The following SUGCT variants were observed in gnomAD, a reference collection of about 807,000 sequenced individuals.
SUGCT encodes succinyl-CoA:glutarate CoA-transferase.
In SUGCT, 41 loss-of-function variants were observed where a neutral mutation model predicts 55.0. That is an observed-to-expected ratio of 0.74 (90% CI 0.58 to 0.97). The LOEUF is 0.97. SUGCT is among the 50% of genes least tolerant of loss of function. SUGCT has a pLI of 0.00. For synonymous variants in SUGCT, 187 were observed against 200.4 expected, an observed-to-expected ratio of 0.93 and a Z score of 0.56; for missense variants, 568 against 547.8, an observed-to-expected ratio of 1.04 and a Z score of -0.37.
chr7:40,953,262 C>A, the SUGCT span, among the ~76,000 whole-genome samples: 1 of 152,232 alleles, frequency 6.6e-6, no homozygotes, highest in South Asian at 2.1e-4. Context: ...GAAGCTTGTG[C>A]ATCCATTATG....
At chr7:40,476,949 TG>T (rs1790723742) in intron 11 of SUGCT, among the ~76,000 whole-genome samples, 1 of 152,114 alleles carries the variant, frequency 6.6e-6, no homozygotes, top group South Asian at 2.1e-4. Flanking sequence ...GGAGTCCTCC[TG>T]GGACAGGTGT....
the SUGCT span, among the ~76,000 whole-genome samples, chr7:40,892,304 A>G: frequency 6.6e-6 from 1 of 152,198 alleles, no homozygotes; most frequent in East Asian, 1.9e-4. Flanking sequence ...TAGCTATAAG[A>G]TGTTTAATGT....
chr7:40,490,504 CAG>C (rs1267046890), intron 11 of SUGCT, among the ~76,000 whole-genome samples: 1 of 152,148 alleles, frequency 6.6e-6, no homozygotes, highest in Non-Finnish European at 1.5e-5. Flanking sequence ...AGAGAAGTGA[CAG>C]GGCCAGAGAA....
chr7:40,478,098 TCCTCCTGCCTAAG>T (rs1395612431), intron 11 of SUGCT, among the ~76,000 whole-genome samples: 1 of 152,142 alleles, frequency 6.6e-6, no homozygotes, highest in Non-Finnish European at 1.5e-5. Context: ...GCTCAAGGGA[TCCTCCTGCCTAAG>T]CCTCCTGAGT....
chr7:40,874,786 T>C, the SUGCT span, among the ~76,000 whole-genome samples: 1 of 152,202 alleles, frequency 6.6e-6, no homozygotes, highest in East Asian at 1.9e-4. Flanking sequence ...TCTAGAAACG[T>C]ACCTCCTCAT....
intron 12 of SUGCT, among the ~76,000 whole-genome samples, chr7:40,502,382 C>G (rs950627378): frequency 6.6e-6 from 1 of 151,788 alleles, no homozygotes; most frequent in South Asian, 2.1e-4. Flanking sequence ...GTAATTAGTA[C>G]CAGCTAATTT....
chr7:40,598,851 A>G (rs1293173203), intron 12 of SUGCT, among the ~76,000 whole-genome samples: 1 of 152,234 alleles, frequency 6.6e-6, no homozygotes, highest in Non-Finnish European at 1.5e-5. Context: ...CATGGCTCTC[A>G]GAATGGAGAG....
At chr7:40,887,251 A>G in the SUGCT span, among the ~76,000 whole-genome samples, 1 of 152,230 alleles carries the variant, frequency 6.6e-6, no homozygotes, top group East Asian at 1.9e-4. Flanking sequence ...AGGGGAATTT[A>G]AGCAGCTGAG....
rs190240287 is a variant in SUGCT at position 40,610,880 on chromosome 7, T to G, written c.1089+114494T>G. Reference sequence around the variant, plus strand: ...AACTTTGGTCTTGCCTCCTGTCAGTTTAAGATTAATTATGGTAATTCTCAA... The same window carrying G: ...AACTTTGGTCTTGCCTCCTGTCAGTGTAAGATTAATTATGGTAATTCTCAA... On this transcript the variant is annotated intron_variant, in intron 12 of 13. Coordinates refer to ENST00000335693, the MANE Select transcript of SUGCT (RefSeq NM_001193313.2). Among the ~76,000 whole-genome samples, 43 of 152,270 alleles carry G rather than the reference T, an allele frequency of 2.8e-4. No homozygotes were observed. In the South Asian group the frequency reaches 6.2e-3, roughly 22 times the overall value.
intron 9 of SUGCT, among the ~76,000 whole-genome samples, chr7:40,419,498 ATTTC>A (rs1226510024): frequency 6.6e-6 from 1 of 152,144 alleles, no homozygotes; most frequent in African/African-American, 2.4e-5. Context: ...TCATTTATTT[ATTTC>A]TTTATTATTT....
chr7:40,773,558 A>G (rs1299933795), intron 13 of SUGCT, among the ~76,000 whole-genome samples: 1 of 152,240 alleles, frequency 6.6e-6, no homozygotes, highest in Non-Finnish European at 1.5e-5. Context: ...AATTGTGAAT[A>G]AAATCAATGT....
chr7:40,159,790 C>T (rs1235363558), intron 1 of SUGCT, among the ~76,000 whole-genome samples: 1 of 152,160 alleles, frequency 6.6e-6, no homozygotes, highest in African/African-American at 2.4e-5. Context: ...GGTGTGGCTT[C>T]TGTGCCTCAA....
At chr7:40,503,472 G>A (rs759131964) in intron 12 of SUGCT, among the ~76,000 whole-genome samples, 20 of 151,770 alleles carry the variant, frequency 1.3e-4, no homozygotes, top group Non-Finnish European at 2.7e-4. Context: ...CACAATAATG[G>A]GGCTAGCAAA....
chr7:40,714,267 G>A (rs1023422547), intron 12 of SUGCT, among the ~76,000 whole-genome samples: 1 of 152,070 alleles, frequency 6.6e-6, no homozygotes, highest in African/African-American at 2.4e-5. Context: ...GAGGCGGGTT[G>A]CATTTAGCAG....
At chr7:41,031,116 CA>C in the SUGCT span, among the ~76,000 whole-genome samples, 1 of 152,090 alleles carries the variant, frequency 6.6e-6, no homozygotes, top group African/African-American at 2.4e-5. Flanking sequence ...TGCAAGCCAC[CA>C]CGCTGGCCTA....
At chr7:40,531,867 G>A (rs938096575) in intron 12 of SUGCT, among the ~76,000 whole-genome samples, 1 of 152,048 alleles carries the variant, frequency 6.6e-6, no homozygotes, top group African/African-American at 2.4e-5. Context: ...TAGAGATGGG[G>A]TTTCACCTGT....
At chr7:40,679,073 A>G (rs1784128342) in intron 12 of SUGCT, among the ~76,000 whole-genome samples, 1 of 152,166 alleles carries the variant, frequency 6.6e-6, no homozygotes, top group Admixed American at 6.5e-5. Flanking sequence ...AGCCCAGGCC[A>G]CCCTTCTGAA....
chr7:41,038,316 C>T, the SUGCT span, among the ~76,000 whole-genome samples: 1 of 152,336 alleles, frequency 6.6e-6, no homozygotes. Context: ...ATTGACTTTC[C>T]TCTGATTCTT....
intron 12 of SUGCT, among the ~76,000 whole-genome samples, chr7:40,518,368 C>CT (rs1367613833): frequency 2.0e-5 from 3 of 152,030 alleles, no homozygotes; most frequent in African/African-American, 7.2e-5. Context: ...AGTTATGAGA[C>CT]TATTTTATCT....
Sources: gnomAD v4.1 joint callset for allele counts (sites outside exome capture counted in the v4.1 genomes callset) on GRCh38, gnomAD v4.1.1 for gene constraint, MANE v1.5 for transcripts, NCBI Gene and HGNC (gene_info 2026-07-23, HGNC 2026-07-21) for gene names.